Variants in KALRN observed in about 807,000 individuals in gnomAD.
The protein encoded by KALRN is kalirin RhoGEF kinase, also known as kalirin.
Under a neutral mutation model 353.7 loss-of-function variants are expected in KALRN, and 70 were observed. The ratio of observed to expected loss-of-function variants is 0.20; its 90% CI spans 0.16 to 0.24. The LOEUF is 0.24. Among genes scored for constraint, KALRN ranks in the 10% least tolerant of loss-of-function variants. KALRN has a pLI of 1.00. For synonymous variants in KALRN, 1,391 were observed against 1,434.8 expected, an observed-to-expected ratio of 0.97 and a Z score of 0.69; for missense variants, 2,791 against 3,756.7, an observed-to-expected ratio of 0.74 and a Z score of 6.72.
intron 1 of KALRN, among the ~76,000 whole-genome samples, chr3:124,217,449 G>T (rs965700329): frequency 6.6e-6 from 1 of 152,060 alleles, no homozygotes; most frequent in African/African-American, 2.4e-5. Flanking sequence ...TCATTTCCAT[G>T]GGATCTGTGT....
intron 51 of KALRN, among the ~76,000 whole-genome samples, chr3:124,680,183 C>T (rs538066190): frequency 1.7e-3 from 264 of 152,388 alleles, no homozygotes; most frequent in Non-Finnish European, 2.4e-3. Context: ...CCTGGAGCCA[C>T]GGCAGAGGCC....
chr3:124,076,524 T>C (rs2149293752), intron 1 of KALRN, among the ~76,000 whole-genome samples: 1 of 152,334 alleles, frequency 6.6e-6, no homozygotes, highest in Non-Finnish European at 1.5e-5. Flanking sequence ...TAGCAAGCCC[T>C]TGCTCCTCGG....
chr3:124,136,271 T>C (rs1357813101), intron 1 of KALRN, among the ~76,000 whole-genome samples: 1 of 152,084 alleles, frequency 6.6e-6, no homozygotes, highest in Non-Finnish European at 1.5e-5. Flanking sequence ...ATCAGAATAA[T>C]CTGGAGGACT....
At chr3:124,219,759 G>A (rs993800113) in intron 1 of KALRN, among the ~76,000 whole-genome samples, 3 of 152,084 alleles carry the variant, frequency 2.0e-5, no homozygotes, top group Non-Finnish European at 4.4e-5. Flanking sequence ...GATGAAGGAA[G>A]ACTGTGGGGG....
At chr3:124,105,789 A>G (rs2062246978) in intron 1 of KALRN, among the ~76,000 whole-genome samples, 1 of 152,184 alleles carries the variant, frequency 6.6e-6, no homozygotes, top group South Asian at 2.1e-4. Context: ...ATGAAAGGTA[A>G]AAATAGAATG....
chr3:124,264,407 G>C (rs1412376113), intron 3 of KALRN, 91 bp from the exon 4 acceptor site: 1 of 1,029,418 alleles, frequency 9.7e-7, no homozygotes, highest in Non-Finnish European at 1.4e-6. Flanking sequence ...TTCTGGTCAA[G>C]GGGAGTGCAG....
At chr3:124,188,781 T>A (rs1379681183) in intron 1 of KALRN, among the ~76,000 whole-genome samples, 2 of 152,152 alleles carry the variant, frequency 1.3e-5, no homozygotes, top group Non-Finnish European at 2.9e-5. Flanking sequence ...GACTCCTGGA[T>A]CAGAGACAAA....
At chr3:124,172,626 G>A (rs1044005968) in intron 1 of KALRN, among the ~76,000 whole-genome samples, 19 of 152,018 alleles carry the variant, frequency 1.2e-4, no homozygotes, top group Non-Finnish European at 2.5e-4. Context: ...CAAGTTCGTT[G>A]AGAATAGGAG....
At chr3:124,145,197 T>A (rs1459496182) in intron 1 of KALRN, among the ~76,000 whole-genome samples, 1 of 152,178 alleles carries the variant, frequency 6.6e-6, no homozygotes, top group African/African-American at 2.4e-5. Context: ...TCCAGACCTA[T>A]CCTCCTCCCT....
At chr3:124,320,889 C>T (rs906033428) in intron 6 of KALRN, among the ~76,000 whole-genome samples, 2 of 152,160 alleles carry the variant, frequency 1.3e-5, no homozygotes, top group African/African-American at 4.8e-5. Flanking sequence ...TGGTAAGTGG[C>T]TAGGGCAGCA....
chr3:124,405,084 A>G (rs557209824), intron 13 of KALRN, among the ~76,000 whole-genome samples: 2 of 152,346 alleles, frequency 1.3e-5, no homozygotes, highest in South Asian at 4.1e-4. Flanking sequence ...GAATGAATAC[A>G]ATGAAGTAAA....
chr3:124,224,327 T>C (rs1262608648), intron 1 of KALRN, among the ~76,000 whole-genome samples: 1 of 151,276 alleles, frequency 6.6e-6, no homozygotes, highest in Non-Finnish European at 1.5e-5. Context: ...AAAAGAATTG[T>C]CTTGGACCAC....
At chr3:124,340,169 G>A (rs534111335) in intron 9 of KALRN, among the ~76,000 whole-genome samples, 3 of 152,146 alleles carry the variant, frequency 2.0e-5, no homozygotes, top group South Asian at 2.1e-4. Context: ...GTCATATGGC[G>A]ATAGCTGGTG....
chr3:124,045,014 G>A (rs942964254), intron 1 of KALRN, among the ~76,000 whole-genome samples: 5 of 151,820 alleles, frequency 3.3e-5, no homozygotes, highest in Admixed American at 1.3e-4. Flanking sequence ...CATGACAGGC[G>A]GGGATTAGGG....
chr3:124,642,698 A>G (rs2082167194), intron 37 of KALRN, among the ~76,000 whole-genome samples: 2 of 152,056 alleles, frequency 1.3e-5, no homozygotes, highest in Admixed American at 6.6e-5. Context: ...AAAGTTCAGA[A>G]TCCAGATGGG....
chr3:124,048,619 C>A (rs1302252572), intron 1 of KALRN, among the ~76,000 whole-genome samples: 1 of 152,036 alleles, frequency 6.6e-6, no homozygotes, highest in East Asian at 1.9e-4. Context: ...GTAGCTGGGA[C>A]TACAGGCGCC....
chr3:124,109,456 C>T (rs938939737), intron 1 of KALRN, among the ~76,000 whole-genome samples: 1 of 152,056 alleles, frequency 6.6e-6, no homozygotes, highest in Admixed American at 6.5e-5. Context: ...TTTCCCAAAT[C>T]ACCTTTCTTT....
chr3:124,187,014 G>T (rs570357388), intron 1 of KALRN, among the ~76,000 whole-genome samples: 1 of 152,276 alleles, frequency 6.6e-6, no homozygotes, highest in South Asian at 2.1e-4. Flanking sequence ...CCTTGGTGCG[G>T]GTGGGATATC....
At chr3:124,397,134 G>A (rs189995200) in intron 12 of KALRN, among the ~76,000 whole-genome samples, 9 of 152,308 alleles carry the variant, frequency 5.9e-5, no homozygotes, top group Admixed American at 2.6e-4. Flanking sequence ...TGGAAAATTT[G>A]TGATGGAGAA....
Sources: gnomAD v4.1 joint callset for allele counts (sites outside exome capture counted in the v4.1 genomes callset) on GRCh38, gnomAD v4.1.1 for gene constraint, MANE v1.5 for transcripts, NCBI Gene and HGNC (gene_info 2026-07-23, HGNC 2026-07-21) for gene names.